PLSCR1: variants seen among roughly 807,000 people sequenced by gnomAD.
PLSCR1 encodes the protein PL scramblase 1.
A neutral mutation model predicts 37.8 loss-of-function variants in PLSCR1; 17 were observed. The observed-to-expected ratio is 0.45, with a 90% CI of 0.31 to 0.68. The LOEUF is 0.68. Among genes scored for constraint, PLSCR1 ranks in the 30% least tolerant of loss-of-function variants. PLSCR1 has a pLI of 0.06. For synonymous variants in PLSCR1, 116 were observed against 125.9 expected (o/e 0.92, Z 0.53); for missense variants, 347 against 380.9 (o/e 0.91, Z 0.74).
At chr3:146,529,335 T>C (rs2044163918) in intron 3 of PLSCR1, among the ~76,000 whole-genome samples, 1 of 152,158 alleles carries the variant, frequency 6.6e-6, no homozygotes. Flanking sequence ...TGACAAGATC[T>C]GCAGACTTTT....
Position 146,522,007 on chromosome 3 carries a change from G to T in PLSCR1, c.402C>A (p.Ser134Arg). Residue 134 changes from serine (S) to arginine (R), a missense_variant, in exon 6 of 9, where the codon AGC becomes AGA. Ser to Arg is a moderately radical substitution (Grantham distance 110). Transcript: ENST00000342435. ...CTGCAAAGTAAACCCTCTGTCCAAA[G>T]CTGTTCTTAATTTCATATTTGTTAT... ...ETNNKYEIKN[S>R]FGQRVYFAAE... 6.2e-7 allele frequency: 1 copy of T among 1,612,644 alleles called. No homozygotes were observed. The highest frequency in any genetic ancestry group is 8.5e-7 in the Non-Finnish European group (1 of 1,178,686).
intron 1 of PLSCR1, among the ~76,000 whole-genome samples, chr3:146,543,494 G>T (rs559145357): frequency 1.3e-5 from 2 of 152,240 alleles, no homozygotes; most frequent in Non-Finnish European, 2.9e-5. Flanking sequence ...CCCCCAAACT[G>T]TCTGACACGT....
chr3:146,516,399 G>A (rs2043947052), intron 8 of PLSCR1: 1 of 245,540 alleles, frequency 4.1e-6, no homozygotes, highest in Non-Finnish European at 7.7e-6. Context: ...CTCATCTTTG[G>A]CTGCATACTG....
intron 2 of PLSCR1, among the ~76,000 whole-genome samples, chr3:146,535,829 A>AT (rs1253142585): frequency 6.6e-6 from 1 of 152,188 alleles, no homozygotes; most frequent in Non-Finnish European, 1.5e-5. Context: ...ATTATTTCAT[A>AT]TATCTAATAA....
intron 4 of PLSCR1, among the ~76,000 whole-genome samples, chr3:146,526,009 C>A (rs141596304): frequency 6.6e-6 from 1 of 151,170 alleles, no homozygotes. Flanking sequence ...TGGTGAAACC[C>A]TGTCTCTACT....
chr3:146,538,299 G>A (rs553826809), intron 1 of PLSCR1, among the ~76,000 whole-genome samples: 1 of 152,274 alleles, frequency 6.6e-6, no homozygotes, highest in African/African-American at 2.4e-5. Context: ...AACTGTGTAA[G>A]ACTAAATTCA....
At chr3:146,531,773 T>A (rs1488522855) in intron 3 of PLSCR1, among the ~76,000 whole-genome samples, 2 of 152,220 alleles carry the variant, frequency 1.3e-5, no homozygotes, top group Non-Finnish European at 2.9e-5. Flanking sequence ...AGATAGGAAC[T>A]CTGAGGCTTT....
intron 7 of PLSCR1, among the ~76,000 whole-genome samples, chr3:146,518,324 T>C (rs533317258): frequency 7.9e-5 from 12 of 150,990 alleles, no homozygotes; most frequent in Non-Finnish European, 1.5e-4. Flanking sequence ...CAAATCTACC[T>C]GGAGCAGATT....
At chr3:146,538,006 C>A (rs2044289186) in intron 1 of PLSCR1, 2 of 152,068 alleles carry the variant, frequency 1.3e-5, no homozygotes, top group African/African-American at 4.8e-5. Context: ...TCAAGAAGTT[C>A]AGCAATGGTT....
chr3:146,543,541 G>A (rs1474377738), intron 1 of PLSCR1, among the ~76,000 whole-genome samples: 1 of 151,762 alleles, frequency 6.6e-6, no homozygotes, highest in Non-Finnish European at 1.5e-5. Context: ...ATCTCAATGT[G>A]ATAAGCCAGA....
At chr3:146,543,241 C>T (rs893097191) in intron 1 of PLSCR1, among the ~76,000 whole-genome samples, 1 of 152,192 alleles carries the variant, frequency 6.6e-6, no homozygotes, top group Admixed American at 6.5e-5. Context: ...GGTCTGCTCA[C>T]ACACATCTGA....
intron 3 of PLSCR1, among the ~76,000 whole-genome samples, chr3:146,530,318 G>A (rs1430248042): frequency 6.6e-6 from 1 of 152,082 alleles, no homozygotes; most frequent in Non-Finnish European, 1.5e-5. Flanking sequence ...TCACAATAAT[G>A]CATCATAAAT....
chr3:146,536,543 G>T lies in PLSCR1; in HGVS notation c.10C>A (p.Gln4Lys). The T allele has an allele frequency of 1.4e-6, 2 of 1,430,016 alleles. No homozygotes were observed. The highest frequency in any genetic ancestry group is 2.0e-6 in the Non-Finnish European group (2 of 1,012,948). The allele number at this position is 1,430,016 out of a possible 1,614,324, so 88.6% of individuals were successfully genotyped here. A position where few individuals can be genotyped will look rare whatever the true frequency, so the allele number is the denominator to read the frequency against. MDK[Q>K]NSQMNASHPE... ...ACATTTAAAATAAATTACTTACTTT[G>T]TTTGTCCATGATTAAAACAGTTCTG... Residue 4 changes from glutamine (Q) to lysine (K), a missense_variant, in exon 2 of 9, where the codon CAA becomes AAA. Transcript: ENST00000342435.
intron 3 of PLSCR1, among the ~76,000 whole-genome samples, chr3:146,530,502 T>A (rs1238552384): frequency 6.6e-6 from 1 of 152,066 alleles, no homozygotes; most frequent in South Asian, 2.1e-4. Context: ...AAAAAATTCA[T>A]ATGGATGTGA....
chr3:146,520,478 C>T (rs1405223275), intron 7 of PLSCR1, among the ~76,000 whole-genome samples: 1 of 152,070 alleles, frequency 6.6e-6, no homozygotes, highest in Admixed American at 6.6e-5. Flanking sequence ...TTTATACATG[C>T]ATATTATGCA....
At chr3:146,538,400 G>A (rs1261784689) in intron 1 of PLSCR1, among the ~76,000 whole-genome samples, 1 of 152,166 alleles carries the variant, frequency 6.6e-6, no homozygotes, top group Non-Finnish European at 1.5e-5. Flanking sequence ...TATGCGAAGA[G>A]TACTTTAACA....
At chr3:146,519,240 G>C (rs1008662875) in intron 7 of PLSCR1, among the ~76,000 whole-genome samples, 1 of 152,002 alleles carries the variant, frequency 6.6e-6, no homozygotes, top group Non-Finnish European at 1.5e-5. Flanking sequence ...TTGACCATTA[G>C]GATTGTCTGC....
intron 4 of PLSCR1, among the ~76,000 whole-genome samples, chr3:146,525,951 AAGTGGGC>A (rs1372637026): frequency 6.6e-6 from 1 of 151,928 alleles, no homozygotes; most frequent in Non-Finnish European, 1.5e-5. Context: ...TGGGAGGCCA[AAGTGGGC>A]AGATCACGAG....
At chr3:146,539,868 A>G (rs1006381792) in intron 1 of PLSCR1, among the ~76,000 whole-genome samples, 1 of 152,206 alleles carries the variant, frequency 6.6e-6, no homozygotes, top group African/African-American at 2.4e-5. Flanking sequence ...GTACCTGTAC[A>G]TGTGCCAAGT....
Sources: gnomAD v4.1 joint callset for allele counts (sites outside exome capture counted in the v4.1 genomes callset) on GRCh38, gnomAD v4.1.1 for gene constraint, MANE v1.5 for transcripts, NCBI Gene and HGNC (gene_info 2026-07-23, HGNC 2026-07-21) for gene names.